SLC16A10: variants seen among roughly 807,000 people sequenced by gnomAD.
SLC16A10 encodes monocarboxylate transporter 10.
Under a neutral mutation model 40.0 loss-of-function variants are expected in SLC16A10, and 27 were observed. The observed-to-expected ratio is 0.67, with a 90% CI of 0.50 to 0.93. SLC16A10 has a LOEUF of 0.93. Among genes scored for constraint, SLC16A10 ranks in the 40% least tolerant of loss-of-function variants. SLC16A10 has a pLI of 0.00. For missense variants in SLC16A10, 529 were observed against 658.2 expected (o/e 0.80, Z 2.15); for synonymous variants, 213 against 249.8 (o/e 0.85, Z 1.39).
intron 1 of SLC16A10, among the ~76,000 whole-genome samples, chr6:111,105,530 A>C (rs1375383524): frequency 1.3e-5 from 2 of 152,216 alleles, no homozygotes; most frequent in African/African-American, 4.8e-5. Flanking sequence ...AGGAGGTGTC[A>C]TCTTTATGGC....
At chr6:111,187,760 ACATGAT>A (rs1400753186) in intron 3 of SLC16A10, among the ~76,000 whole-genome samples, 1 of 152,200 alleles carries the variant, frequency 6.6e-6, no homozygotes, top group Non-Finnish European at 1.5e-5. Flanking sequence ...TGCCATTTTG[ACATGAT>A]CCATTTTCTC....
At chr6:111,164,655 C>T (rs1330788046) in intron 1 of SLC16A10, among the ~76,000 whole-genome samples, 1 of 152,128 alleles carries the variant, frequency 6.6e-6, no homozygotes, top group Non-Finnish European at 1.5e-5. Context: ...GTCCCAGCTA[C>T]TCAGGAGGGT....
chr6:111,217,520 G>A (rs1417419537), intron 4 of SLC16A10, among the ~76,000 whole-genome samples: 1 of 152,114 alleles, frequency 6.6e-6, no homozygotes, highest in Non-Finnish European at 1.5e-5. Flanking sequence ...CATGATCTCG[G>A]CTCACTGCAA....
At chr6:111,105,285 T>G (rs1276953736) in intron 1 of SLC16A10, among the ~76,000 whole-genome samples, 1 of 152,164 alleles carries the variant, frequency 6.6e-6, no homozygotes, top group Non-Finnish European at 1.5e-5. Context: ...TTCACAGAGT[T>G]TAGTAACTGA....
At chr6:111,130,345 C>T (rs1220630574) in intron 1 of SLC16A10, among the ~76,000 whole-genome samples, 1 of 152,158 alleles carries the variant, frequency 6.6e-6, no homozygotes, top group Non-Finnish European at 1.5e-5. Flanking sequence ...GTTTATGTGC[C>T]CTCTAGAAGA....
chr6:111,120,816 G>T (rs1362406448), intron 1 of SLC16A10, among the ~76,000 whole-genome samples: 3 of 152,124 alleles, frequency 2.0e-5, no homozygotes, highest in South Asian at 2.1e-4. Context: ...AGTGCTTAGT[G>T]TGTGTTTGTT....
rs866082724 is a variant in SLC16A10, at chr6:111,225,734, C to T, written c.*3499C>T. 1.1e-4 allele frequency: 16 copies of T among 152,110 alleles called. No homozygotes were observed. Among genetic ancestry groups the T allele is most frequent in the African/African-American group, 3.9e-4 (16 of 41,406 alleles). 9.4% of individuals were successfully genotyped at this position (152,110 alleles called of 1,614,324 possible). On this transcript the variant is annotated 3_prime_UTR_variant, in exon 6 of 6. Transcript: ENST00000368851. Reference sequence around the variant, plus strand: ...GGAAAACTGAATAGAAAATATGACACGAGATCGGGGAGGGGGAAGGCAACC... The same window carrying T: ...GGAAAACTGAATAGAAAATATGACATGAGATCGGGGAGGGGGAAGGCAACC...
rs73765921 is a variant in SLC16A10 at position 111,104,083 on chromosome 6, C to T, written c.343+15988C>T. Among the ~76,000 whole-genome samples, 1,084 of 152,026 alleles carry T rather than the reference C, an allele frequency of 7.1e-3. 14 individuals are homozygous for T. Among genetic ancestry groups the T allele is most frequent in the African/African-American group, 0.025 (1,025 of 41,468 alleles). ...ACAAGGAGTTTGATTTGTCGAGGGCCGAGGATATGTAGTGAAAGGTCATAG... is the reference window on the plus strand; with the variant it reads ...ACAAGGAGTTTGATTTGTCGAGGGCTGAGGATATGTAGTGAAAGGTCATAG... On this transcript the variant is annotated intron_variant, in intron 1 of 5. Coordinates refer to ENST00000368851, the MANE Select transcript of SLC16A10 (RefSeq NM_018593.5).
chr6:111,180,930 C>A (rs549865052), intron 3 of SLC16A10, among the ~76,000 whole-genome samples: 1 of 152,138 alleles, frequency 6.6e-6, no homozygotes, highest in African/African-American at 2.4e-5. Context: ...AGTGAAGGTT[C>A]TGGGCCTGGT....
At chr6:111,204,018 G>A (rs765969627) in intron 3 of SLC16A10, among the ~76,000 whole-genome samples, 15 of 151,988 alleles carry the variant, frequency 9.9e-5, no homozygotes, top group Non-Finnish European at 1.9e-4. Context: ...ATTTTTGTTT[G>A]TTGGAGACAG....
Position 111,177,090 on chromosome 6 carries a change from A to G in SLC16A10, c.489-122A>G, listed in dbSNP as rs969477592. On this transcript the variant is annotated intron_variant, in intron 2 of 5. Coordinates refer to ENST00000368851, the MANE Select transcript of SLC16A10 (RefSeq NM_018593.5). The stretch of plus-strand genomic sequence containing the variant: ...TGGTTAATTTTTTTTTTTTTTGGTT[A>G]ACTTTTACTTGTAGAAAATATGTTG... 9 of 616,954 alleles carry G rather than the reference A, an allele frequency of 1.5e-5. No homozygotes were observed. The African/African-American group carries it at 1.7e-4, about 12-fold the overall frequency. The allele number at this position is 616,954 out of a possible 1,614,324, so 38.2% of individuals were successfully genotyped here.
Position 111,144,455 on chromosome 6 carries a change from A to G in SLC16A10, c.344-28240A>G, listed in dbSNP as rs565770957. Among the ~76,000 whole-genome samples the G allele has an allele frequency of 2.5e-3, 388 of 152,304 alleles. 2 individuals carry two copies. The highest frequency in any genetic ancestry group is 8.8e-3 in the African/African-American group (367 of 41,570). On this transcript the variant is annotated intron_variant, in intron 1 of 5. Transcript: ENST00000368851. ...CCTGACCTCGTGATCTGCCCGCCTC[A>G]GCCTCCCAAAGTGCTGGGATTACAG... is the stretch of plus-strand genomic sequence containing the variant.
intron 1 of SLC16A10, among the ~76,000 whole-genome samples, chr6:111,156,532 A>G (rs867282642): frequency 6.6e-6 from 1 of 152,214 alleles, no homozygotes. Context: ...TGGGAAGAAC[A>G]CCAGACAAAT....
At chr6:111,186,115 G>T (rs1026038499) in intron 3 of SLC16A10, among the ~76,000 whole-genome samples, 2 of 152,124 alleles carry the variant, frequency 1.3e-5, no homozygotes, top group African/African-American at 2.4e-5. Flanking sequence ...GCCCAGGCTG[G>T]TCTCAAACTT....
intron 3 of SLC16A10, among the ~76,000 whole-genome samples, chr6:111,200,710 C>T (rs892043846): frequency 6.6e-6 from 1 of 152,180 alleles, no homozygotes; most frequent in Admixed American, 6.5e-5. Context: ...CATTAACCCA[C>T]GCTTGCAGGC....
intron 1 of SLC16A10, among the ~76,000 whole-genome samples, chr6:111,089,307 T>A (rs1770931117): frequency 1.3e-5 from 2 of 152,224 alleles, no homozygotes; most frequent in Admixed American, 1.3e-4. Context: ...TTCCGCATCA[T>A]GTTTGTGACT....
chr6:111,157,770 A>G (rs1217522509), intron 1 of SLC16A10, among the ~76,000 whole-genome samples: 3 of 152,208 alleles, frequency 2.0e-5, no homozygotes, highest in African/African-American at 7.2e-5. Flanking sequence ...ATAATGATAT[A>G]AACAAGTGAT....
rs34905110 is a variant in SLC16A10, at chr6:111,131,165, G to A, written c.344-41530G>A. Among the ~76,000 whole-genome samples, 426 of 152,262 alleles carry A rather than the reference G, an allele frequency of 2.8e-3. 2 individuals are homozygous for A. Among genetic ancestry groups the A allele is most frequent in the Middle Eastern group, 0.02 (6 of 294 alleles). On this transcript the variant is annotated intron_variant, in intron 1 of 5. Transcript: ENST00000368851. Reference sequence around the variant, plus strand: ...TCCACCACTGCTGTTTGCTGCCATCGCAGACCCGCCGCTGACTTCCACCCC... The same window carrying A: ...TCCACCACTGCTGTTTGCTGCCATCACAGACCCGCCGCTGACTTCCACCCC...
chr6:111,159,875 T>A (rs1414578180), intron 1 of SLC16A10, among the ~76,000 whole-genome samples: 3 of 152,180 alleles, frequency 2.0e-5, no homozygotes, highest in African/African-American at 7.2e-5. Context: ...AATTGACAGT[T>A]CCCTGATGAC....
Sources: gnomAD v4.1 joint callset for allele counts (sites outside exome capture counted in the v4.1 genomes callset) on GRCh38, gnomAD v4.1.1 for gene constraint, MANE v1.5 for transcripts, NCBI Gene and HGNC (gene_info 2026-07-23, HGNC 2026-07-21) for gene names.